The following CHMP1A variants were observed in gnomAD, a reference collection of about 807,000 sequenced individuals.
CHMP1A encodes the protein charged multivesicular body protein 1A, also known as VPS46 homolog A.
A neutral mutation model predicts 27.0 loss-of-function variants in CHMP1A; 17 were observed. The observed-to-expected ratio is 0.63, with a 90% CI of 0.43 to 0.95. The LOEUF (loss-of-function observed/expected upper bound fraction) is 0.95. Ranked by LOEUF, CHMP1A falls within the 40% of genes least tolerant of loss-of-function variation. CHMP1A has a pLI of 0.00. For missense variants in CHMP1A, 275 were observed against 264.0 expected, an observed-to-expected ratio of 1.04 and a Z score of -0.29; for synonymous variants, 131 against 107.5, an observed-to-expected ratio of 1.22 and a Z score of -1.35.
In CHMP1A at chr16:89,655,739, T is replaced by A. The variant is rs1438020110; in HGVS notation, c.8-1816A>T. Among the ~76,000 whole-genome samples, 3 of 152,168 alleles carry A rather than the reference T, an allele frequency of 2.0e-5. No individual in the cohort carries two copies. The East Asian group carries it at 5.8e-4, about 30-fold the overall frequency. On this transcript the variant is annotated intron_variant, in intron 1 of 6. Coordinates refer to ENST00000397901, the MANE Select transcript of CHMP1A (RefSeq NM_002768.5). Reference sequence around the variant, plus strand: ...CTCCCAGGTTTAAGCGATTCTCCTGTCTCAGCCTCCCAAGTAGTTAGAATT... The same window carrying A: ...CTCCCAGGTTTAAGCGATTCTCCTGACTCAGCCTCCCAAGTAGTTAGAATT...
chr16:89,646,978 C>T (rs1473019756), intron 5 of CHMP1A: 3 of 1,455,908 alleles, frequency 2.1e-6, no homozygotes, highest in East Asian at 5.1e-5. Flanking sequence ...GCCATCCGAG[C>T]CTCCCCACAA....
chr16:89,649,482 T>G lies in CHMP1A; in HGVS notation c.121A>C (p.Asn41His). ...AKVKKALLQK[N>H]VECARVYAEN... is the part of the protein sequence containing the mutation. ...GCATACACACGGGCACACTCTACAT[T>G]TTTCTGCAGAAGGGCCTGAAACCCG... Residue 41 changes from asparagine to histidine, a missense_variant, in exon 4 of 7, where the codon AAT becomes CAT. Asn to His is a moderately conservative substitution (Grantham distance 68, BLOSUM62 1). Transcript: ENST00000397901. 6.2e-7 allele frequency: 1 copy of G among 1,613,722 alleles called. No homozygotes were observed. Among genetic ancestry groups the G allele is most frequent in the African/African-American group, 1.3e-5 (1 of 75,064 alleles).
intron 1 of CHMP1A, among the ~76,000 whole-genome samples, chr16:89,655,316 C>T (rs1004740326): frequency 1.3e-5 from 2 of 152,316 alleles, no homozygotes; most frequent in South Asian, 4.1e-4. Context: ...CCAGGCGGGC[C>T]GTCCCACCCA....
chr16:89,649,914 C>G (rs778327853), intron 3 of CHMP1A, among the ~76,000 whole-genome samples: 66 of 151,866 alleles, frequency 4.3e-4, no homozygotes, highest in Non-Finnish European at 7.5e-4. Flanking sequence ...GGGCCTCTCC[C>G]CAGAAATGTT....
At position 89,657,404 on chromosome 16, in the gene CHMP1A, G is replaced by A. The variant is rs545189841; in HGVS notation, c.7+178C>T. Among the ~76,000 whole-genome samples, 262 of 151,212 alleles carry A rather than the reference G, an allele frequency of 1.7e-3. 8 individuals carry two copies. The highest frequency in any genetic ancestry group is 0.017 in the Admixed American group (260 of 15,238). On this transcript the variant is annotated intron_variant, in intron 1 of 6. Coordinates refer to ENST00000397901, the MANE Select transcript of CHMP1A (RefSeq NM_002768.5). ...TCGGGGATCGGGGGACGACGACCGG[G>A]AAAAGGGGTCCCAGGTCGGTGGTCG...
At chr16:89,654,237 C>T (rs1203596704) in intron 1 of CHMP1A, among the ~76,000 whole-genome samples, 2 of 152,230 alleles carry the variant, frequency 1.3e-5, no homozygotes, top group Non-Finnish European at 2.9e-5. Flanking sequence ...GTCATGGACG[C>T]AGCATCTTTT....
At chr16:89,650,825 G>A (rs913935600) in intron 3 of CHMP1A, among the ~76,000 whole-genome samples, 28 of 150,892 alleles carry the variant, frequency 1.9e-4, no homozygotes, top group African/African-American at 4.9e-4. Flanking sequence ...AGATAGGATC[G>A]TGGCAGACAG....
At chr16:89,657,094 G>T (rs1193651792) in intron 1 of CHMP1A, among the ~76,000 whole-genome samples, 4 of 144,326 alleles carry the variant, frequency 2.8e-5, no homozygotes, top group Admixed American at 6.8e-5. Flanking sequence ...CCCGGGTCGA[G>T]GGTCGAGGCC....
chr16:89,657,676 A>C lies in CHMP1A; in HGVS notation c.-88T>G. The C allele has an allele frequency of 6.4e-7, 1 of 1,561,292 alleles. No individual in the cohort carries two copies. The highest frequency in any genetic ancestry group is 8.7e-7 in the Non-Finnish European group (1 of 1,144,038). On this transcript the variant is annotated 5_prime_UTR_variant, in exon 1 of 7. Transcript: ENST00000397901. The stretch of plus-strand genomic sequence containing the variant: ...GGTCCCGGCGGCGATCGAACCGACC[A>C]AGCTGCACCCGGCGGGGACTTCCGG...
At chr16:89,648,843 T>C (rs370883969) in intron 4 of CHMP1A, among the ~76,000 whole-genome samples, 1 of 107,752 alleles carries the variant, frequency 9.3e-6, no homozygotes, top group African/African-American at 3.6e-5. Flanking sequence ...GTGGCCAACA[T>C]AGACACCCTG....
rs372222150 is a variant in CHMP1A, at chr16:89,646,064, G to A, written c.*2C>T. ...GAGGCGGTGCACACCGGCGGGGCAC[G>A]GCTAGTTCCTCAAGGCGGCCAACCT... On this transcript the variant is annotated 3_prime_UTR_variant, in exon 7 of 7. Transcript: ENST00000397901. The A allele has an allele frequency of 2.6e-5, 41 of 1,560,768 alleles. No individual in the cohort carries two copies. The African/African-American group carries it at 3.6e-4, about 14-fold the overall frequency.
chr16:89,655,403 T>G (rs192325076), intron 1 of CHMP1A, among the ~76,000 whole-genome samples: 72 of 150,842 alleles, frequency 4.8e-4, no homozygotes, highest in African/African-American at 1.7e-3. Flanking sequence ...CACCTCAGCT[T>G]TCCCTCACCT....
In CHMP1A at chr16:89,653,931, G is replaced by A; in HGVS notation, c.8-8C>T. ...TCAACTGGAACAGGGTATCTGCAAA[G>A]AAAGAGGGAATTAATGGTTTGAGGA... On this transcript the variant is annotated splice_region_variant and splice_polypyrimidine_tract_variant and intron_variant, in intron 1 of 6. Coordinates refer to ENST00000397901, the MANE Select transcript of CHMP1A (RefSeq NM_002768.5). The A allele has an allele frequency of 6.2e-7, 1 of 1,613,476 alleles. No homozygotes were observed. The highest frequency in any genetic ancestry group is 8.5e-7 in the Non-Finnish European group (1 of 1,179,518).
Position 89,657,660 on chromosome 16 carries a change from G to C in CHMP1A, c.-72C>G, listed in dbSNP as rs946327089. The C allele has an allele frequency of 6.2e-7, 1 of 1,601,716 alleles. No homozygotes were observed. The highest frequency in any genetic ancestry group is 8.5e-7 in the Non-Finnish European group (1 of 1,175,272). On this transcript the variant is annotated 5_prime_UTR_variant, in exon 1 of 7. Transcript: ENST00000397901. Reference sequence around the variant, plus strand: ...ACTCCGGGCGGTGTCAGGTCCCGGCGGCGATCGAACCGACCAAGCTGCACC... The same window carrying C: ...ACTCCGGGCGGTGTCAGGTCCCGGCCGCGATCGAACCGACCAAGCTGCACC...
chr16:89,653,288 C>A (rs1296226976), intron 2 of CHMP1A, among the ~76,000 whole-genome samples: 5 of 146,588 alleles, frequency 3.4e-5, no homozygotes, highest in Admixed American at 1.3e-4. Flanking sequence ...GGATTACAGG[C>A]GTGAGCCACC....
rs1228007428 is a variant in CHMP1A, at chr16:89,645,977, G to A, written c.*89C>T. 2 of 1,612,392 alleles carry A rather than the reference G, an allele frequency of 1.2e-6. No individual in the cohort carries two copies. Among genetic ancestry groups the A allele is most frequent in the Non-Finnish European group, 1.7e-6 (2 of 1,179,504 alleles). The stretch of plus-strand genomic sequence containing the variant: ...TGGCTGCCGGCCGCAGCCCCGCGGG[G>A]TCAGCACAAAGGCAAGACGCGGTGG... On this transcript the variant is annotated 3_prime_UTR_variant, in exon 7 of 7. Coordinates refer to ENST00000397901, the MANE Select transcript of CHMP1A (RefSeq NM_002768.5).
chr16:89,651,400 AC>A (rs1597789477), intron 3 of CHMP1A, among the ~76,000 whole-genome samples, 168 bp downstream of exon 3: 6 of 150,710 alleles, frequency 4.0e-5, no homozygotes, highest in East Asian at 1.9e-4. Context: ...AAACAAACAA[AC>A]AAAATATATA....
intron 1 of CHMP1A, among the ~76,000 whole-genome samples, 175 bp from the exon 2 acceptor site, chr16:89,654,098 C>T (rs1021603970): frequency 3.3e-5 from 5 of 152,230 alleles, no homozygotes; most frequent in Admixed American, 1.3e-4. Context: ...GAGACAGATT[C>T]GTGTGCCAGC....
chr16:89,654,365 G>A (rs1046575010), intron 1 of CHMP1A, among the ~76,000 whole-genome samples: 2 of 152,038 alleles, frequency 1.3e-5, no homozygotes, highest in Non-Finnish European at 2.9e-5. Flanking sequence ...TGGGGGTGCC[G>A]AGGCCAGTGG....
Sources: gnomAD v4.1 joint callset for allele counts (sites outside exome capture counted in the v4.1 genomes callset) on GRCh38, gnomAD v4.1.1 for gene constraint, MANE v1.5 for transcripts, NCBI Gene and HGNC (gene_info 2026-07-23, HGNC 2026-07-21) for gene names.